MRTFB: variants seen among roughly 807,000 people sequenced by gnomAD.
MRTFB encodes myocardin related transcription factor B.
A neutral mutation model predicts 104.2 loss-of-function variants in MRTFB; 29 were observed. That is an observed-to-expected ratio of 0.28 (90% CI 0.21 to 0.38). MRTFB has a LOEUF of 0.38. Among genes scored for constraint, MRTFB ranks in the 10% least tolerant of loss-of-function variants. MRTFB has a pLI of 1.00. For missense variants in MRTFB, 1,270 were observed against 1,341.6 expected, an observed-to-expected ratio of 0.95 and a Z score of 0.83; for synonymous variants, 535 against 519.5, an observed-to-expected ratio of 1.03 and a Z score of -0.41.
chr16:14,048,458 T>C, the MRTFB span, among the ~76,000 whole-genome samples: 2 of 152,088 alleles, frequency 1.3e-5, no homozygotes, highest in African/African-American at 4.8e-5. Flanking sequence ...GACCCTCACT[T>C]GGAAGCAAGT....
chr16:14,250,291 C>G lies in MRTFB; in HGVS notation c.2403+1210C>G, dbSNP rs146051449. On this transcript the variant is annotated intron_variant, in intron 13 of 16. Transcript: ENST00000571589. ...CATAGACTTTCCTGCTTATGAAATACAGAGGTTTTTTAGAATATTAGTGGT... is the reference window on the plus strand; with the variant it reads ...CATAGACTTTCCTGCTTATGAAATAGAGAGGTTTTTTAGAATATTAGTGGT... 5.2e-3 allele frequency among the ~76,000 whole-genome samples: 787 copies of G among 152,290 alleles called. 5 individuals carry two copies. The highest frequency in any genetic ancestry group is 0.015 in the African/African-American group (608 of 41,564).
intron 9 of MRTFB, among the ~76,000 whole-genome samples, chr16:14,234,698 G>A (rs773865531): frequency 1.3e-5 from 2 of 152,096 alleles, no homozygotes; most frequent in African/African-American, 2.4e-5. Flanking sequence ...AGGAGGCTGA[G>A]GCAAGAGGAT....
intron 15 of MRTFB, among the ~76,000 whole-genome samples, chr16:14,252,824 CCTT>C (rs1414820420): frequency 1.3e-5 from 2 of 151,988 alleles, no homozygotes; most frequent in African/African-American, 4.8e-5. Flanking sequence ...TATACAGGTC[CCTT>C]CTTTTCTAAA....
intron 9 of MRTFB, among the ~76,000 whole-genome samples, chr16:14,237,501 AAG>A (rs1010797251): frequency 6.6e-6 from 1 of 152,250 alleles, no homozygotes; most frequent in African/African-American, 2.4e-5. Flanking sequence ...GAGTGGGCAC[AAG>A]AGAGCCTGAA....
the MRTFB span, among the ~76,000 whole-genome samples, chr16:14,044,997 G>A: frequency 1.3e-5 from 2 of 151,990 alleles, no homozygotes; most frequent in Admixed American, 1.3e-4. Context: ...GGCTCTTTCT[G>A]GTGCCAAATT....
chr16:14,259,829 A>G (rs865851902), intron 16 of MRTFB, among the ~76,000 whole-genome samples: 4 of 152,366 alleles, frequency 2.6e-5, no homozygotes, highest in South Asian at 2.1e-4. Flanking sequence ...ACAGTTTTAG[A>G]GATGACTACT....
intron 3 of MRTFB, among the ~76,000 whole-genome samples, chr16:14,160,398 G>T (rs947775116): frequency 2.0e-5 from 3 of 152,154 alleles, no homozygotes; most frequent in Non-Finnish European, 4.4e-5. Context: ...CACATCAGAA[G>T]ATAAATGACA....
rs1056606512 is a variant in MRTFB, at chr16:14,086,524, A to G, written c.-64+7170A>G. Among the ~76,000 whole-genome samples the G allele has an allele frequency of 4.7e-4, 72 of 152,208 alleles. 1 individual carries two copies. Among genetic ancestry groups the G allele is most frequent in the Non-Finnish European group, 7.3e-5 (5 of 68,034 alleles). On this transcript the variant is annotated intron_variant, in intron 2 of 16. Transcript: ENST00000571589. ...CAGACTTGAAATAATTGAGTCTTCA[A>G]TAGTAGAGTCTAAATTAATGAAGTT...
chr16:14,250,108 C>CCCTTA (rs2043194554), intron 13 of MRTFB, among the ~76,000 whole-genome samples: 1 of 152,216 alleles, frequency 6.6e-6, no homozygotes, highest in South Asian at 2.1e-4. Flanking sequence ...TAAATAAGGG[C>CCCTTA]TTTTTCACTA....
intron 3 of MRTFB, among the ~76,000 whole-genome samples, chr16:14,178,639 A>G (rs972267957): frequency 2.6e-5 from 4 of 152,178 alleles, no homozygotes; most frequent in Non-Finnish European, 4.4e-5. Flanking sequence ...TTTGAGTTAT[A>G]TGGTGGACTA....
the MRTFB span, among the ~76,000 whole-genome samples, chr16:14,016,570 C>T: frequency 1.3e-5 from 2 of 151,992 alleles, no homozygotes; most frequent in East Asian, 1.9e-4. Flanking sequence ...GTCGGGAGTT[C>T]GAGACCAGCC....
At chr16:14,021,124 G>A in the MRTFB span, 2 of 152,248 alleles carry the variant, frequency 1.3e-5, no homozygotes, top group Non-Finnish European at 2.9e-5. Context: ...ACACCCGTTT[G>A]TTATGTCACA....
At chr16:14,221,962 G>A (rs1390282256) in intron 8 of MRTFB, among the ~76,000 whole-genome samples, 1 of 151,662 alleles carries the variant, frequency 6.6e-6, no homozygotes, top group Non-Finnish European at 1.5e-5. Flanking sequence ...TTGTATTTTT[G>A]TAGAGACAGG....
rs533336382 is a variant in MRTFB at position 14,265,160 on chromosome 16, C to G, written c.*3716C>G. On this transcript the variant is annotated 3_prime_UTR_variant, in exon 17 of 17. Coordinates refer to ENST00000571589, the MANE Select transcript of MRTFB (RefSeq NM_001308142.2). ...CACTCAGGTGGGGAGCTCATGGTGC[C>G]GCTGGGGACTTTTTAGAGAAATGTA... is the stretch of plus-strand genomic sequence containing the variant. The G allele has an allele frequency of 6.6e-6, 1 of 152,274 alleles. No individual in the cohort carries two copies. The highest frequency in any genetic ancestry group is 2.4e-5 in the African/African-American group (1 of 41,548). The allele number at this position is 152,274 out of a possible 1,614,324, so 9.4% of individuals were successfully genotyped here. A position where few individuals can be genotyped will look rare whatever the true frequency, so the allele number is the denominator to read the frequency against.
At chr16:14,047,025 C>G in the MRTFB span, among the ~76,000 whole-genome samples, 1 of 152,300 alleles carries the variant, frequency 6.6e-6, no homozygotes, top group Non-Finnish European at 1.5e-5. Context: ...GGCCCTGTGC[C>G]TAGCGGCTGG....
In MRTFB at chr16:14,264,810, GCTCAGGGGCGCA is replaced by G. The variant is rs1301925716; in HGVS notation, c.*3369_*3380del. 1 of 152,184 alleles carries G rather than the reference GCTCAGGGGCGCA, an allele frequency of 6.6e-6. No individual in the cohort carries two copies. The highest frequency in any genetic ancestry group is 1.5e-5 in the Non-Finnish European group (1 of 68,060). The allele number at this position is 152,184 out of a possible 1,614,324, so 9.4% of individuals were successfully genotyped here. On this transcript the variant is annotated 3_prime_UTR_variant, in exon 17 of 17. Transcript: ENST00000571589. The stretch of plus-strand genomic sequence containing the variant: ...TGCAGTCAGCATACCCTGAGTGATG[GCTCAGGGGCGCA>G]CTACCTATTTTGTCACCAGAGCTGA...
intron 2 of MRTFB, among the ~76,000 whole-genome samples, chr16:14,130,252 T>A (rs1428582878): frequency 6.6e-6 from 1 of 152,214 alleles, no homozygotes; most frequent in Non-Finnish European, 1.5e-5. Flanking sequence ...ACAGAATCCT[T>A]TGTTCTTACT....
At chr16:14,031,580 T>C in the MRTFB span, among the ~76,000 whole-genome samples, 1 of 152,126 alleles carries the variant, frequency 6.6e-6, no homozygotes, top group Non-Finnish European at 1.5e-5. Context: ...CGTAAGTGGA[T>C]TGGATATTGT....
At chr16:14,042,873 A>G in the MRTFB span, among the ~76,000 whole-genome samples, 3 of 152,140 alleles carry the variant, frequency 2.0e-5, no homozygotes, top group African/African-American at 7.2e-5. Flanking sequence ...TGCCCAGAAG[A>G]TTAGCTCCAT....
Sources: allele counts gnomAD v4.1 joint callset (sites outside exome capture counted in the v4.1 genomes callset), GRCh38; gene constraint gnomAD v4.1.1; transcripts MANE v1.5; gene names NCBI Gene and HGNC (gene_info 2026-07-23, HGNC 2026-07-21).